Variants in TTC23 observed in about 807,000 individuals in gnomAD.
TTC23 encodes the protein tetratricopeptide repeat domain 23, also known as tetratricopeptide repeat protein 23.
In TTC23, 58 loss-of-function variants were observed where a neutral mutation model predicts 55.1. The ratio of observed to expected loss-of-function variants is 1.05; its 90% CI spans 0.85 to 1.31. The LOEUF (loss-of-function observed/expected upper bound fraction) is 1.31, where lower values mean the gene tolerates loss of function less well. Among genes scored for constraint, TTC23 ranks in the 50% most tolerant of loss-of-function variants. The pLI is 0.00. For missense variants in TTC23, 516 were observed against 534.4 expected (o/e 0.97, Z 0.34); for synonymous variants, 203 against 199.9 (o/e 1.02, Z -0.13).
chr15:99,181,798 T>C (rs2074143452), intron 9 of TTC23, among the ~76,000 whole-genome samples: 1 of 152,170 alleles, frequency 6.6e-6, no homozygotes. Flanking sequence ...CCTGGGGGAT[T>C]AGATGAACAG....
At chr15:99,227,456 TC>T (rs1157852401) in intron 5 of TTC23, among the ~76,000 whole-genome samples, 13 of 152,280 alleles carry the variant, frequency 8.5e-5, no homozygotes, top group African/African-American at 2.9e-4. Context: ...GCAAATATCC[TC>T]CTAACTGATG....
chr15:99,182,008 T>A (rs2074167599), intron 9 of TTC23, among the ~76,000 whole-genome samples: 1 of 152,002 alleles, frequency 6.6e-6, no homozygotes, highest in African/African-American at 2.4e-5. Flanking sequence ...GCTTATATTT[T>A]CTTCGTTTGG....
intron 10 of TTC23, among the ~76,000 whole-genome samples, chr15:99,174,764 G>A (rs534101776): frequency 2.2e-5 from 3 of 137,216 alleles, no homozygotes; most frequent in East Asian, 2.3e-4. Context: ...CAGATTTACC[G>A]TAAGCCCAGT....
intron 9 of TTC23, among the ~76,000 whole-genome samples, chr15:99,197,051 C>A (rs539381615): frequency 6.6e-6 from 1 of 152,136 alleles, no homozygotes; most frequent in Admixed American, 6.5e-5. Flanking sequence ...GCCAACTACA[C>A]TTACTGTTTT....
chr15:99,175,196 GGCA>G (rs1350930719), intron 9 of TTC23, 41 bp from the exon 10 acceptor site: 13 of 1,538,366 alleles, frequency 8.5e-6, no homozygotes, highest in Non-Finnish European at 9.9e-6. Context: ...TTACATACTT[GGCA>G]GCAGCAGCAG....
At chr15:99,235,432 G>A (rs1355610438) in intron 3 of TTC23, among the ~76,000 whole-genome samples, 4 of 150,192 alleles carry the variant, frequency 2.7e-5, no homozygotes, top group East Asian at 2.0e-4. Context: ...GTGCAGTGGC[G>A]CGATCTCGGC....
intron 4 of TTC23, among the ~76,000 whole-genome samples, chr15:99,229,923 G>A (rs1376052784): frequency 6.6e-5 from 10 of 152,182 alleles, no homozygotes; most frequent in Admixed American, 6.5e-4. Flanking sequence ...GGATCAAACT[G>A]TTTTCAAGGG....
chr15:99,224,518 T>A (rs2078224068), intron 5 of TTC23, among the ~76,000 whole-genome samples: 1 of 152,264 alleles, frequency 6.6e-6, no homozygotes, highest in African/African-American at 2.4e-5. Flanking sequence ...ATATCATAAC[T>A]GCATTACTCA....
chr15:99,242,409 C>G (rs2079891212), intron 2 of TTC23, among the ~76,000 whole-genome samples: 1 of 152,094 alleles, frequency 6.6e-6, no homozygotes. Flanking sequence ...GTGATGTATT[C>G]TACCAAACCA....
At position 99,137,778 on chromosome 15, in the gene TTC23, C is replaced by T; in HGVS notation, c.*232G>A. Reference sequence around the variant, plus strand: ...AAAAATTCTTGTTGGCAAGAAAAACCACTTAGGTGATAGAAAACTGCTTTA... The same window carrying T: ...AAAAATTCTTGTTGGCAAGAAAAACTACTTAGGTGATAGAAAACTGCTTTA... On this transcript the variant is annotated 3_prime_UTR_variant, in exon 14 of 14. Transcript: ENST00000394132. 1 of 600,704 alleles carries T rather than the reference C, an allele frequency of 1.7e-6. No homozygotes were observed. Among genetic ancestry groups the T allele is most frequent in the Non-Finnish European group, 2.7e-6 (1 of 365,530 alleles). The allele number at this position is 600,704 out of a possible 1,614,324, so 37.2% of individuals were successfully genotyped here.
intron 8 of TTC23, among the ~76,000 whole-genome samples, chr15:99,215,568 A>T (rs1416947897): frequency 1.3e-5 from 2 of 151,978 alleles, no homozygotes; most frequent in Non-Finnish European, 2.9e-5. Context: ...AACATAGCGA[A>T]ATTTCATCTC....
chr15:99,210,008 G>A (rs1049730718), intron 8 of TTC23, among the ~76,000 whole-genome samples: 8 of 152,042 alleles, frequency 5.3e-5, no homozygotes, highest in Admixed American at 2.0e-4. Context: ...CGCCTGCTTC[G>A]GCCTCCCAAA....
intron 8 of TTC23, among the ~76,000 whole-genome samples, chr15:99,202,027 G>A (rs1297568653): frequency 6.6e-6 from 1 of 152,162 alleles, no homozygotes; most frequent in Non-Finnish European, 1.5e-5. Flanking sequence ...AAGTTTTATT[G>A]GCACAATGCC....
intron 10 of TTC23, among the ~76,000 whole-genome samples, chr15:99,171,736 G>A (rs949680860): frequency 2.7e-5 from 4 of 150,662 alleles, no homozygotes; most frequent in Non-Finnish European, 5.9e-5. Flanking sequence ...CTAATTTTTT[G>A]TATTTTTAGT....
At chr15:99,152,362 ATTTC>A (rs139928923) in intron 12 of TTC23, among the ~76,000 whole-genome samples, 33,994 of 151,766 alleles carry the variant, frequency 0.22, 4,948 homozygotes, top group African/African-American at 0.43. Flanking sequence ...CATCTCAAGT[ATTTC>A]TTTTTCTTTT....
intron 12 of TTC23, among the ~76,000 whole-genome samples, chr15:99,147,052 T>C (rs1326238644): frequency 7.5e-5 from 11 of 146,666 alleles, no homozygotes; most frequent in East Asian, 4.1e-4. Context: ...GTAGCTGAGA[T>C]TACAGGCACA....
chr15:99,174,221 A>G (rs2073273249), intron 10 of TTC23, among the ~76,000 whole-genome samples: 1 of 152,284 alleles, frequency 6.6e-6, no homozygotes, highest in South Asian at 2.1e-4. Context: ...TGCCTGGCCC[A>G]TGGATCTTTT....
Position 99,173,989 on chromosome 15 carries a change from T to C in TTC23, c.865+1061A>G, listed in dbSNP as rs1371053759. 2.0e-5 allele frequency among the ~76,000 whole-genome samples: 3 copies of C among 152,212 alleles called. No individual in the cohort carries two copies. In the East Asian group the frequency reaches 5.8e-4, roughly 29 times the overall value. ...TACTTTCCTCCTATTACATGAATTT[T>C]AGGCACCAACAAGCAAACCTGATGG... On this transcript the variant is annotated intron_variant, in intron 10 of 13. Transcript: ENST00000394132.
chr15:99,145,627 G>A (rs956388841), intron 12 of TTC23, among the ~76,000 whole-genome samples: 12 of 152,046 alleles, frequency 7.9e-5, no homozygotes, highest in Non-Finnish European at 1.5e-4. Flanking sequence ...CCGAGTGTTT[G>A]TTTGAGAGAC....
Sources: gnomAD v4.1 joint callset for allele counts (sites outside exome capture counted in the v4.1 genomes callset) on GRCh38, gnomAD v4.1.1 for gene constraint, MANE v1.5 for transcripts, NCBI Gene and HGNC (gene_info 2026-07-23, HGNC 2026-07-21) for gene names.